The following WNT5A variants were observed in gnomAD, a reference collection of about 807,000 sequenced individuals.
WNT5A encodes the protein protein Wnt-5a.
Under a neutral mutation model 42.1 loss-of-function variants are expected in WNT5A, and 9 were observed. The ratio of observed to expected loss-of-function variants is 0.21; its 90% CI spans 0.13 to 0.37. The LOEUF is 0.37. Ranked by LOEUF, WNT5A falls within the 10% of genes least tolerant of loss-of-function variation. WNT5A has a pLI of 1.00. For synonymous variants in WNT5A, 210 were observed against 210.0 expected (o/e 1.00, Z 0.00); for missense variants, 426 against 534.0 (o/e 0.80, Z 1.99).
intron 4 of WNT5A, among the ~76,000 whole-genome samples, chr3:55,471,491 C>T (rs1237931904): frequency 6.6e-6 from 1 of 152,244 alleles, no homozygotes. Context: ...GCAGTGGTGG[C>T]ACCAACCTCC....
At chr3:55,481,634 T>C (rs981229421) in intron 1 of WNT5A, among the ~76,000 whole-genome samples, 1 of 152,070 alleles carries the variant, frequency 6.6e-6, no homozygotes, top group Non-Finnish European at 1.5e-5. Context: ...CGGATTTCCT[T>C]AAGGACGTTC....
intron 1 of WNT5A, 40 bp downstream of exon 1, chr3:55,486,940 G>T: frequency 1.3e-6 from 2 of 1,546,386 alleles, no homozygotes; most frequent in Non-Finnish European, 1.8e-6. Flanking sequence ...GGGGGTGGGG[G>T]GAAGTAAAGA....
upstream of WNT5A, among the ~76,000 whole-genome samples, chr3:55,493,055 C>T (rs995911454): frequency 4.6e-5 from 7 of 152,278 alleles, no homozygotes; most frequent in South Asian, 6.2e-4. Flanking sequence ...GCTTTTGCCC[C>T]GCCACCATCA....
chr3:55,486,487 C>G (rs915876467), intron 1 of WNT5A, among the ~76,000 whole-genome samples: 3 of 152,234 alleles, frequency 2.0e-5, no homozygotes, highest in South Asian at 4.1e-4. Context: ...GTACGCCGCT[C>G]TGGAGTAGTT....
chr3:55,491,408 C>T (rs942704178), upstream of WNT5A, among the ~76,000 whole-genome samples: 9 of 152,086 alleles, frequency 5.9e-5, no homozygotes, highest in Non-Finnish European at 1.2e-4. Context: ...TTGAGTCATC[C>T]GAAGATATAC....
chr3:55,477,626 G>T (rs2051382028), intron 3 of WNT5A, among the ~76,000 whole-genome samples: 1 of 152,186 alleles, frequency 6.6e-6, no homozygotes, highest in African/African-American at 2.4e-5. Flanking sequence ...CAAGGGTTCT[G>T]CTTGTTCCCT....
At chr3:55,470,761 T>A (rs1293507580) in intron 4 of WNT5A, among the ~76,000 whole-genome samples, 6 of 152,192 alleles carry the variant, frequency 3.9e-5, no homozygotes, top group Non-Finnish European at 8.8e-5. Context: ...CATTATTATA[T>A]CATTATCAAC....
upstream of WNT5A, chr3:55,487,524 C>G (rs2051600967): frequency 6.5e-6 from 1 of 153,842 alleles, no homozygotes; most frequent in Non-Finnish European, 1.4e-5. Context: ...CCAGTTCATT[C>G]ACACCACAGA....
upstream of WNT5A, among the ~76,000 whole-genome samples, chr3:55,494,953 C>G (rs2051700414): frequency 6.6e-6 from 1 of 152,130 alleles, no homozygotes; most frequent in Non-Finnish European, 1.5e-5. Flanking sequence ...CACATTTGGA[C>G]AAGTGTTAGA....
At chr3:55,488,759 C>A (rs2051621906), upstream of WNT5A, among the ~76,000 whole-genome samples, 1 of 152,308 alleles carries the variant, frequency 6.6e-6, no homozygotes, top group East Asian at 1.9e-4. Flanking sequence ...GGAGGCTGAA[C>A]CCCAACTTCC....
rs1166946287 is a variant in WNT5A, at chr3:55,467,342, C to T, written c.*2750G>A. On this transcript the variant is annotated 3_prime_UTR_variant, in exon 5 of 5. Transcript: ENST00000264634. Reference sequence around the variant, plus strand: ...AGAATGTGAGCAATCCTATAACCAGCTTTAAGCCATCTGCTTGATTTCTTT... The same window carrying T: ...AGAATGTGAGCAATCCTATAACCAGTTTTAAGCCATCTGCTTGATTTCTTT... 1.3e-5 allele frequency: 2 copies of T among 149,864 alleles called. No individual in the cohort carries two copies. Among genetic ancestry groups the T allele is most frequent in the Non-Finnish European group, 3.0e-5 (2 of 67,676 alleles). 9.3% of individuals were successfully genotyped at this position (149,864 alleles called of 1,614,324 possible). A position where few individuals can be genotyped will look rare whatever the true frequency, so the allele number is the denominator to read the frequency against.
chr3:55,487,221 C>A lies in WNT5A; in HGVS notation c.-236G>T, dbSNP rs1280701137. On this transcript the variant is annotated 5_prime_UTR_variant, in exon 1 of 5. Transcript: ENST00000264634. ...CGCCCAGGAATGGAGGGGGCGCGGA[C>A]GCGCGCGAGCCGGCAGCAAGGGCAG... 4.9e-5 allele frequency: 24 copies of A among 490,736 alleles called. No individual in the cohort carries two copies. Among genetic ancestry groups the A allele is most frequent in the Non-Finnish European group, 7.8e-5 (22 of 282,140 alleles). The allele number at this position is 490,736 out of a possible 1,614,324, so 30.4% of individuals were successfully genotyped here.
At position 55,469,488 on chromosome 3, in the gene WNT5A, C is replaced by G. The variant is rs184295324; in HGVS notation, c.*604G>C. ...TGAGGAGAATGAGACATGTGATATA[C>G]CTTTTTTCCTTGAGAATATGACATT... is the stretch of plus-strand genomic sequence containing the variant. On this transcript the variant is annotated 3_prime_UTR_variant, in exon 5 of 5. Coordinates refer to ENST00000264634, the MANE Select transcript of WNT5A (RefSeq NM_003392.7). 1 of 152,586 alleles carries G rather than the reference C, an allele frequency of 6.6e-6. No individual in the cohort carries two copies. The highest frequency in any genetic ancestry group is 1.5e-5 in the Non-Finnish European group (1 of 68,262). The allele number at this position is 152,586 out of a possible 1,614,324, so 9.5% of individuals were successfully genotyped here. A position where few individuals can be genotyped will look rare whatever the true frequency, so the allele number is the denominator to read the frequency against.
At position 55,466,832 on chromosome 3, in the gene WNT5A, C is replaced by T. The variant is rs1322034738; in HGVS notation, c.*3260G>A. The T allele has an allele frequency of 6.6e-6, 1 of 152,568 alleles. No individual in the cohort carries two copies. The highest frequency in any genetic ancestry group is 1.9e-4 in the East Asian group (1 of 5,190). 9.5% of individuals were successfully genotyped at this position (152,568 alleles called of 1,614,324 possible). On this transcript the variant is annotated 3_prime_UTR_variant, in exon 5 of 5. Coordinates refer to ENST00000264634, the MANE Select transcript of WNT5A (RefSeq NM_003392.7). ...AGAACCACAAGAGTTTGAATTTGCC[C>T]AGAAATGCTATTTTAAACACTCTAT... is the stretch of plus-strand genomic sequence containing the variant.
At chr3:55,476,655 C>T (rs1298453086) in intron 3 of WNT5A, among the ~76,000 whole-genome samples, 4 of 152,116 alleles carry the variant, frequency 2.6e-5, no homozygotes, top group Non-Finnish European at 4.4e-5. Context: ...CCTTTTATGC[C>T]GCAGAATACA....
chr3:55,495,273 T>G (rs2051704136), upstream of WNT5A, among the ~76,000 whole-genome samples: 1 of 152,230 alleles, frequency 6.6e-6, no homozygotes, highest in African/African-American at 2.4e-5. Flanking sequence ...TATTATACAA[T>G]AGATCTTTTG....
At chr3:55,500,189 T>A in the WNT5A span, among the ~76,000 whole-genome samples, 74 of 152,272 alleles carry the variant, frequency 4.9e-4, no homozygotes, top group Middle Eastern at 3.4e-3. Flanking sequence ...TTAGTAAATG[T>A]CAGCTCTTCA....
At position 55,487,200 on chromosome 3, in the gene WNT5A, C is replaced by A; in HGVS notation, c.-215G>T. The A allele has an allele frequency of 1.9e-6, 1 of 524,658 alleles. No individual in the cohort carries two copies. Among genetic ancestry groups the A allele is most frequent in the Non-Finnish European group, 3.3e-6 (1 of 300,154 alleles). 32.5% of individuals were successfully genotyped at this position (524,658 alleles called of 1,614,324 possible). A position where few individuals can be genotyped will look rare whatever the true frequency, so the allele number is the denominator to read the frequency against. On this transcript the variant is annotated 5_prime_UTR_variant, in exon 1 of 5. Coordinates refer to ENST00000264634, the MANE Select transcript of WNT5A (RefSeq NM_003392.7). Reference sequence around the variant, plus strand: ...AGTTGGGGCAGAGCTGGGATGCGCCCAGGAATGGAGGGGGCGCGGACGCGC... The same window carrying A: ...AGTTGGGGCAGAGCTGGGATGCGCCAAGGAATGGAGGGGGCGCGGACGCGC...
At position 55,470,250 on chromosome 3, in the gene WNT5A, A is replaced by T. The variant is rs1263066189; in HGVS notation, c.985T>A (p.Ser329Thr). 4 of 1,613,912 alleles carry T rather than the reference A, an allele frequency of 2.5e-6. No homozygotes were observed. The African/African-American group carries it at 4.0e-5, about 16-fold the overall frequency. Residue 329 changes from serine (S) to threonine (T), a missense_variant, in exon 5 of 5, where the codon TCG becomes ACG. Around this residue, in one of 3 missense-constraint regions of WNT5A, gnomAD observed 358 missense variants for 468.1 expected, o/e 0.76. Coordinates refer to ENST00000264634, the MANE Select transcript of WNT5A (RefSeq NM_003392.7). ...GTQGRLCNKT[S>T]EGMDGCELMC... is the part of the protein sequence containing the mutation. ...AGCTCGCAGCCATCCATGCCCTCCG[A>T]CGTCTTGTTGCACAGGCGGCCCTGC... is the stretch of plus-strand genomic sequence containing the variant.
Sources: allele counts gnomAD v4.1 joint callset (sites outside exome capture counted in the v4.1 genomes callset), GRCh38; gene constraint gnomAD v4.1.1; regional missense constraint gnomAD v4.1.1; transcripts MANE v1.5; gene names NCBI Gene and HGNC (gene_info 2026-07-23, HGNC 2026-07-21).